The following PCNX1 variants were observed in gnomAD, a reference collection of about 807,000 sequenced individuals.
The protein encoded by PCNX1 is pecanex-like protein 1.
Under a neutral mutation model 242.2 loss-of-function variants are expected in PCNX1, and 78 were observed. That is an observed-to-expected ratio of 0.32 (90% CI 0.27 to 0.39). PCNX1 has a LOEUF of 0.39. Ranked by LOEUF, PCNX1 falls within the 10% of genes least tolerant of loss-of-function variation. The probability of loss-of-function intolerance (pLI) is 1.00; values close to 1 mark genes in which losing one functional copy is unlikely to be tolerated. For missense variants in PCNX1, 2,581 were observed against 2,856.5 expected (o/e 0.90, Z 2.20); for synonymous variants, 1,024 against 1,032.9 (o/e 0.99, Z 0.17).
chr14:70,919,730 ACC>A (rs1594893711), intron 1 of PCNX1, among the ~76,000 whole-genome samples: 1 of 4,778 alleles, frequency 2.1e-4, no homozygotes, highest in East Asian at 4.3e-3. Context: ...CCCCCCCCCC[ACC>A]AAATAGGAGA....
intron 1 of PCNX1, among the ~76,000 whole-genome samples, chr14:70,930,238 T>G (rs2056743959): frequency 1.3e-5 from 2 of 152,100 alleles, no homozygotes; most frequent in African/African-American, 4.8e-5. Flanking sequence ...CTTGAACTTT[T>G]GGGCTCAAGC....
chr14:70,963,904 A>G (rs543632750), intron 3 of PCNX1, among the ~76,000 whole-genome samples: 2 of 152,322 alleles, frequency 1.3e-5, no homozygotes, highest in African/African-American at 4.8e-5. Context: ...TCACTGTATC[A>G]TGCGGCTCAT....
At chr14:71,066,365 CTT>C (rs2061447211) in intron 26 of PCNX1, among the ~76,000 whole-genome samples, 1 of 152,110 alleles carries the variant, frequency 6.6e-6, no homozygotes, top group Non-Finnish European at 1.5e-5. Context: ...ATTTTATTCT[CTT>C]TGTAGCAGTT....
intron 2 of PCNX1, among the ~76,000 whole-genome samples, chr14:70,956,221 T>C (rs1210006452): frequency 6.6e-6 from 1 of 152,136 alleles, no homozygotes; most frequent in Non-Finnish European, 1.5e-5. Flanking sequence ...GACTAGTGCC[T>C]ATTTGGTGTA....
chr14:70,971,738 A>G (rs2058548497), intron 5 of PCNX1, among the ~76,000 whole-genome samples: 1 of 152,160 alleles, frequency 6.6e-6, no homozygotes, highest in South Asian at 2.1e-4. Flanking sequence ...AAAGACCTGA[A>G]GAAGGAGGAG....
chr14:70,967,729 C>A (rs1054278558), intron 3 of PCNX1, among the ~76,000 whole-genome samples: 1 of 152,158 alleles, frequency 6.6e-6, no homozygotes, highest in Non-Finnish European at 1.5e-5. Flanking sequence ...GATACACTTA[C>A]AATTCGATGG....
intron 18 of PCNX1, among the ~76,000 whole-genome samples, chr14:71,034,318 A>T (rs566419699): frequency 1.3e-5 from 2 of 152,194 alleles, no homozygotes; most frequent in South Asian, 2.1e-4. Context: ...TTTTACTCCT[A>T]TTTGATTTAG....
At chr14:70,974,835 T>C (rs17108808) in intron 5 of PCNX1, among the ~76,000 whole-genome samples, 45,172 of 152,114 alleles carry the variant, frequency 0.3, 6,717 homozygotes, top group Middle Eastern at 0.4. Context: ...TTTGTGTTGA[T>C]TTGAGCCTCT....
chr14:71,033,835 A>C (rs1253566320), intron 17 of PCNX1, 96 bp from the exon 18 acceptor site: 1 of 705,040 alleles, frequency 1.4e-6, no homozygotes, highest in Admixed American at 2.8e-5. Context: ...AATATACTCG[A>C]ATCATTTGGT....
intron 1 of PCNX1, among the ~76,000 whole-genome samples, chr14:70,918,350 C>T (rs1334072658): frequency 2.0e-5 from 3 of 152,138 alleles, no homozygotes; most frequent in African/African-American, 7.2e-5. Context: ...GTGACTCTTC[C>T]TTTCACTTGA....
chr14:70,962,231 C>T lies in PCNX1; in HGVS notation c.368C>T (p.Pro123Leu). 2 of 1,589,012 alleles carry T rather than the reference C, an allele frequency of 1.3e-6. No individual in the cohort carries two copies. The highest frequency in any genetic ancestry group is 1.7e-6 in the Non-Finnish European group (2 of 1,157,224). The change falls in exon 3 of 36, where the codon CCT becomes CTT. Residue 123 changes from proline to leucine, a missense_variant. Physicochemically the swap from Pro to Leu is moderately conservative, Grantham distance 98 (BLOSUM62 -3). Transcript: ENST00000304743. Reference protein sequence around the residue: ...RRKDSNGPSDPGGGIEMSEFI... With the variant: ...RRKDSNGPSDLGGGIEMSEFI... ...TCTCATTTTTTTCTCCACAGTGATC[C>T]TGGTGGAGGGATTGAAATGTCTGAG...
chr14:70,937,460 T>A (rs893342674), intron 1 of PCNX1, among the ~76,000 whole-genome samples: 2 of 152,214 alleles, frequency 1.3e-5, no homozygotes, highest in African/African-American at 4.8e-5. Context: ...GCGGTATTAT[T>A]TCTGAGGGCT....
At chr14:71,086,487 AC>A (rs1271304399) in intron 28 of PCNX1, among the ~76,000 whole-genome samples, 1 of 152,066 alleles carries the variant, frequency 6.6e-6, no homozygotes, top group Admixed American at 6.5e-5. Flanking sequence ...TTCTTTGGGG[AC>A]AGTTTGATCC....
intron 30 of PCNX1, among the ~76,000 whole-genome samples, chr14:71,095,558 A>G (rs374707085): frequency 2.6e-4 from 39 of 152,294 alleles, no homozygotes; most frequent in Non-Finnish European, 3.5e-4. Context: ...CCAAAAACCA[A>G]TCGTTGCCAG....
intron 1 of PCNX1, among the ~76,000 whole-genome samples, chr14:70,943,873 G>A (rs2057360900): frequency 6.6e-6 from 1 of 152,230 alleles, no homozygotes; most frequent in South Asian, 2.1e-4. Flanking sequence ...TGCAGCTCAG[G>A]CTGTTGCTTC....
chr14:70,986,214 A>T (rs1379892288), intron 6 of PCNX1, among the ~76,000 whole-genome samples: 1 of 152,216 alleles, frequency 6.6e-6, no homozygotes, highest in Non-Finnish European at 1.5e-5. Flanking sequence ...AATGTGTGAT[A>T]CTGTTAAAGC....
chr14:70,940,079 A>G (rs192131345), intron 1 of PCNX1, among the ~76,000 whole-genome samples: 1 of 152,170 alleles, frequency 6.6e-6, no homozygotes, highest in Admixed American at 6.5e-5. Flanking sequence ...TTGACTCTTT[A>G]TCCAATTTGC....
intron 19 of PCNX1, among the ~76,000 whole-genome samples, chr14:71,036,386 C>T (rs77614866): frequency 0.027 from 4,139 of 152,140 alleles, 80 homozygotes; most frequent in Non-Finnish European, 0.044. Flanking sequence ...TTGTGTTGCC[C>T]GAGCTGGTCT....
intron 30 of PCNX1, among the ~76,000 whole-genome samples, chr14:71,096,812 T>C (rs1402330761): frequency 6.6e-6 from 1 of 152,124 alleles, no homozygotes; most frequent in Admixed American, 6.5e-5. Flanking sequence ...ACTCAAGAAA[T>C]GTTGTAAAGA....
Sources: gnomAD v4.1 joint callset for allele counts (sites outside exome capture counted in the v4.1 genomes callset) on GRCh38, gnomAD v4.1.1 for gene constraint, MANE v1.5 for transcripts, NCBI Gene and HGNC (gene_info 2026-07-23, HGNC 2026-07-21) for gene names.